Variants in UEVLD observed in about 807,000 individuals in gnomAD.
UEVLD encodes the protein UEV and lactate/malate dehyrogenase domains.
Under a neutral mutation model 58.6 loss-of-function variants are expected in UEVLD, and 47 were observed. The ratio of observed to expected loss-of-function variants is 0.80; its 90% CI spans 0.63 to 1.02. The LOEUF is 1.02. Ranked by LOEUF, UEVLD falls within the 50% of genes least tolerant of loss-of-function variation. The pLI, the probability that UEVLD is intolerant of heterozygous loss-of-function variation, is 0.00. For missense variants in UEVLD, 510 were observed against 550.6 expected, an observed-to-expected ratio of 0.93 and a Z score of 0.74; for synonymous variants, 197 against 195.3, an observed-to-expected ratio of 1.01 and a Z score of -0.07.
intron 10 of UEVLD, among the ~76,000 whole-genome samples, chr11:18,534,992 C>T (rs1017895983): frequency 6.6e-6 from 1 of 152,110 alleles, no homozygotes; most frequent in African/African-American, 2.4e-5. Context: ...TAAATCACTA[C>T]CAAGCGTAGT....
intron 1 of UEVLD, among the ~76,000 whole-genome samples, chr11:18,587,325 T>C (rs1240050585): frequency 1.3e-5 from 2 of 152,176 alleles, no homozygotes; most frequent in Non-Finnish European, 2.9e-5. Context: ...GATACTTCTC[T>C]TCCTACAAGA....
chr11:18,583,657 CT>C (rs35384688), intron 1 of UEVLD, among the ~76,000 whole-genome samples: 1,263 of 117,220 alleles, frequency 0.011, 29 homozygotes, highest in East Asian at 0.095. Flanking sequence ...TCCAGTATTA[CT>C]TTTTTTTTTT....
At chr11:18,574,007 C>G (rs1390427315) in intron 3 of UEVLD, among the ~76,000 whole-genome samples, 3 of 152,202 alleles carry the variant, frequency 2.0e-5, no homozygotes, top group Non-Finnish European at 4.4e-5. Flanking sequence ...CAGTAAGCCA[C>G]TTATTCCTAA....
intron 3 of UEVLD, 33 bp downstream of exon 3, chr11:18,575,314 A>T: frequency 6.3e-7 from 1 of 1,576,846 alleles, no homozygotes; most frequent in Non-Finnish European, 8.5e-7. Flanking sequence ...CTCTTTTAGA[A>T]AACTCACACA....
intron 6 of UEVLD, among the ~76,000 whole-genome samples, chr11:18,561,006 C>T (rs1273022658): frequency 8.5e-6 from 1 of 117,236 alleles, no homozygotes. Context: ...GGGACTCCAT[C>T]TCAAAAAAAA....
At chr11:18,562,230 A>C (rs1349498103) in intron 6 of UEVLD, among the ~76,000 whole-genome samples, 1 of 152,080 alleles carries the variant, frequency 6.6e-6, no homozygotes, top group Non-Finnish European at 1.5e-5. Flanking sequence ...AGTGTGCACC[A>C]CCACACCTAG....
intron 2 of UEVLD, among the ~76,000 whole-genome samples, chr11:18,577,155 C>T (rs2134056167): frequency 6.6e-6 from 1 of 152,282 alleles, no homozygotes; most frequent in East Asian, 1.9e-4. Flanking sequence ...TGCACTGCAG[C>T]CTGGGCAAAC....
chr11:18,544,251 AG>A (rs776005898), intron 9 of UEVLD, among the ~76,000 whole-genome samples: 2 of 152,190 alleles, frequency 1.3e-5, no homozygotes, highest in Non-Finnish European at 2.9e-5. Flanking sequence ...ACAATTCTGG[AG>A]TCCTCAGATA....
chr11:18,545,076 T>TATATAGA (rs72240623), intron 8 of UEVLD, among the ~76,000 whole-genome samples: 1 of 34,408 alleles, frequency 2.9e-5, no homozygotes, highest in Non-Finnish European at 6.5e-5. Context: ...ATATCTATAT[T>TATATAGA]TTTTTTTTTT....
At chr11:18,551,377 C>A (rs1851519429) in intron 7 of UEVLD, among the ~76,000 whole-genome samples, 1 of 141,970 alleles carries the variant, frequency 7.0e-6, no homozygotes, top group East Asian at 2.2e-4. Context: ...GAGCTGAGAT[C>A]GCGCCACTGC....
At chr11:18,580,674 A>T (rs1424722815) in intron 1 of UEVLD, among the ~76,000 whole-genome samples, 1 of 151,984 alleles carries the variant, frequency 6.6e-6, no homozygotes, top group Non-Finnish European at 1.5e-5. Flanking sequence ...GAAAAATTAA[A>T]AATAAAAGAA....
intron 7 of UEVLD, among the ~76,000 whole-genome samples, chr11:18,553,431 TTAA>T (rs1851620759): frequency 6.6e-6 from 1 of 152,192 alleles, no homozygotes; most frequent in South Asian, 2.1e-4. Context: ...ATATGTACTG[TTAA>T]TAAACATCTT....
At chr11:18,583,060 T>C (rs1414801385) in intron 1 of UEVLD, among the ~76,000 whole-genome samples, 1 of 151,568 alleles carries the variant, frequency 6.6e-6, no homozygotes, top group African/African-American at 2.4e-5. Context: ...GTAGCTGGGA[T>C]TACAGATGCG....
In UEVLD at chr11:18,536,402, T is replaced by C; in HGVS notation, c.1124+4A>G. On this transcript the variant is annotated splice_donor_region_variant and intron_variant, in intron 10 of 11. Transcript: ENST00000396197. ...GATAAATGCAAATTTCCAGTCAGTG[T>C]TACCTGTTGGACAGCTGCACTTGAG... 6.2e-7 allele frequency: 1 copy of C among 1,613,616 alleles called. No homozygotes were observed.
At chr11:18,548,669 C>A (rs1211471783) in intron 7 of UEVLD, among the ~76,000 whole-genome samples, 1 of 152,202 alleles carries the variant, frequency 6.6e-6, no homozygotes, top group East Asian at 1.9e-4. Context: ...TCAGGTGATC[C>A]ACCCACCTCG....
intron 9 of UEVLD, among the ~76,000 whole-genome samples, chr11:18,537,826 C>T (rs908675306): frequency 1.3e-5 from 2 of 151,862 alleles, no homozygotes; most frequent in African/African-American, 4.8e-5. Context: ...CCACACCAGG[C>T]TAATTTTTGT....
At chr11:18,588,282 G>T (rs942747465) in intron 1 of UEVLD, among the ~76,000 whole-genome samples, 1 of 150,786 alleles carries the variant, frequency 6.6e-6, no homozygotes, top group Non-Finnish European at 1.5e-5. Context: ...CAAGAAAAAA[G>T]AAAAAAAAGG....
rs1321166070 is a variant in UEVLD at position 18,558,220 on chromosome 11, A to G, written c.715+8T>C. On this transcript the variant is annotated splice_region_variant and intron_variant, in intron 7 of 11. Transcript: ENST00000396197. ...TAAGGCATACATCTTTAAGCAGAAT[A>G]AACAGACCTTTGCTGATCTCCACAT... is the stretch of plus-strand genomic sequence containing the variant. The G allele has an allele frequency of 1.2e-6, 2 of 1,606,408 alleles. No homozygotes were observed. Among genetic ancestry groups the G allele is most frequent in the Non-Finnish European group, 1.7e-6 (2 of 1,175,860 alleles).
At chr11:18,536,359 G>A in intron 10 of UEVLD, 47 bp downstream of exon 10, 1 of 1,550,082 alleles carries the variant, frequency 6.5e-7, no homozygotes, top group Non-Finnish European at 8.9e-7. Context: ...TAGCTATGAA[G>A]TAAATGATTT....
Sources: gnomAD v4.1 joint callset for allele counts (sites outside exome capture counted in the v4.1 genomes callset) on GRCh38, gnomAD v4.1.1 for gene constraint, MANE v1.5 for transcripts, NCBI Gene and HGNC (gene_info 2026-07-23, HGNC 2026-07-21) for gene names.